Variants in CSMD3 observed in about 807,000 individuals in gnomAD.
The protein encoded by CSMD3 is CUB and sushi domain-containing protein 3.
A neutral mutation model predicts 435.2 loss-of-function variants in CSMD3; 177 were observed. The observed-to-expected ratio is 0.41, with a 90% confidence interval of 0.36 to 0.46. CSMD3 has a LOEUF of 0.46. Among genes scored for constraint, CSMD3 ranks in the 20% least tolerant of loss-of-function variants. CSMD3 has a pLI of 0.34. For missense variants in CSMD3, 4,265 were observed against 4,504.6 expected (o/e 0.95, Z 1.52); for synonymous variants, 1,656 against 1,520.5 (o/e 1.09, Z -2.07).
At chr8:112,365,373 A>G (rs1389131186) in intron 38 of CSMD3, among the ~76,000 whole-genome samples, 6 of 152,056 alleles carry the variant, frequency 3.9e-5, no homozygotes, top group Non-Finnish European at 7.4e-5. Flanking sequence ...AGAAAAAACA[A>G]TTAGGGTGAA....
chr8:112,481,204 A>AAAG (rs968040112), intron 31 of CSMD3, among the ~76,000 whole-genome samples: 2 of 152,158 alleles, frequency 1.3e-5, no homozygotes, highest in African/African-American at 4.8e-5. Flanking sequence ...TAGAAGAAGA[A>AAAG]AAGAAGAAGG....
At chr8:113,049,710 T>G (rs903030155) in intron 5 of CSMD3, among the ~76,000 whole-genome samples, 3 of 152,174 alleles carry the variant, frequency 2.0e-5, no homozygotes, top group African/African-American at 7.2e-5. Flanking sequence ...CAAGATCTGA[T>G]GGTAGCACGT....
At chr8:113,350,644 A>T (rs1220323294) in intron 1 of CSMD3, among the ~76,000 whole-genome samples, 1 of 152,012 alleles carries the variant, frequency 6.6e-6, no homozygotes, top group Admixed American at 6.6e-5. Context: ...AGGTCTTTCT[A>T]CCCTACCTCC....
chr8:113,191,375 C>T (rs955998880), intron 3 of CSMD3, among the ~76,000 whole-genome samples: 12 of 151,612 alleles, frequency 7.9e-5, no homozygotes, highest in African/African-American at 1.7e-4. Context: ...GGCAGTTTTT[C>T]GGCCCACATC....
At chr8:112,569,193 G>T (rs188442048) in intron 24 of CSMD3, among the ~76,000 whole-genome samples, 1 of 152,204 alleles carries the variant, frequency 6.6e-6, no homozygotes, top group Admixed American at 6.6e-5. Context: ...CCTTAAACAT[G>T]CCCATAGTTA....
intron 63 of CSMD3, 135 bp from the exon 64 acceptor site, chr8:112,247,266 T>C (rs909201047): frequency 3.0e-6 from 2 of 655,906 alleles, no homozygotes; most frequent in South Asian, 3.5e-5. Flanking sequence ...AATTGAAATC[T>C]GATTTAAAAT....
At chr8:112,509,903 ATC>A (rs2130947964) in intron 28 of CSMD3, among the ~76,000 whole-genome samples, 1 of 152,240 alleles carries the variant, frequency 6.6e-6, no homozygotes, top group East Asian at 1.9e-4. Context: ...TTTACTGAAT[ATC>A]TCTCTCTGTA....
chr8:112,301,206 T>C lies in CSMD3; in HGVS notation c.8440+587A>G, dbSNP rs1412361157. On this transcript the variant is annotated intron_variant, in intron 53 of 70. Coordinates refer to ENST00000297405, the MANE Select transcript of CSMD3 (RefSeq NM_198123.2). ...AGCATAAAATATAATATTTTCATAA[T>C]AAAAGAGGCAGGGTAAGAAGAACGA... 2.0e-5 allele frequency among the ~76,000 whole-genome samples: 3 copies of C among 152,128 alleles called. No individual in the cohort carries two copies. In the East Asian group the frequency reaches 5.8e-4, roughly 29 times the overall value.
At chr8:112,702,120 A>T (rs1297531794) in intron 13 of CSMD3, among the ~76,000 whole-genome samples, 1 of 152,140 alleles carries the variant, frequency 6.6e-6, no homozygotes, top group Non-Finnish European at 1.5e-5. Flanking sequence ...CTAAACACTT[A>T]CATATGATTT....
intron 5 of CSMD3, among the ~76,000 whole-genome samples, chr8:113,071,671 T>C (rs2089128049): frequency 6.6e-6 from 1 of 151,882 alleles, no homozygotes; most frequent in Non-Finnish European, 1.5e-5. Context: ...CCATTGTCTG[T>C]TTTTATGGTA....
chr8:113,403,207 A>G (rs2094517952), intron 1 of CSMD3, among the ~76,000 whole-genome samples: 1 of 151,368 alleles, frequency 6.6e-6, no homozygotes, highest in South Asian at 2.1e-4. Flanking sequence ...AAACTGCTTC[A>G]TATTACAAAT....
intron 9 of CSMD3, among the ~76,000 whole-genome samples, chr8:112,934,164 T>A (rs1433694460): frequency 6.6e-6 from 1 of 152,090 alleles, no homozygotes; most frequent in Admixed American, 6.6e-5. Flanking sequence ...CCTGGAAAGC[T>A]TTGTGGATGT....
chr8:112,900,257 C>T (rs940239602), intron 10 of CSMD3, among the ~76,000 whole-genome samples: 1 of 151,184 alleles, frequency 6.6e-6, no homozygotes, highest in African/African-American at 2.4e-5. Context: ...TATATATTTC[C>T]ACATGCAAAG....
chr8:112,529,179 C>T (rs893528917), intron 27 of CSMD3, among the ~76,000 whole-genome samples: 1 of 152,166 alleles, frequency 6.6e-6, no homozygotes, highest in Admixed American at 6.5e-5. Context: ...GCCTAAAGAA[C>T]TGGCAACTAT....
intron 5 of CSMD3, among the ~76,000 whole-genome samples, chr8:113,063,323 T>C (rs929816638): frequency 6.6e-6 from 1 of 151,882 alleles, no homozygotes; most frequent in Non-Finnish European, 1.5e-5. Context: ...AATATTGTCA[T>C]TGCTGTGTCA....
chr8:112,230,824 A>C (rs2129876490), intron 69 of CSMD3, among the ~76,000 whole-genome samples: 1 of 152,298 alleles, frequency 6.6e-6, no homozygotes, highest in Admixed American at 6.5e-5. Flanking sequence ...AAAAAGAAAA[A>C]AAAAAAGTTC....
intron 42 of CSMD3, 112 bp downstream of exon 42, chr8:112,341,365 T>C: frequency 1.3e-6 from 1 of 766,924 alleles, no homozygotes; most frequent in Admixed American, 2.9e-5. Flanking sequence ...TGGCTTAAGT[T>C]TTTTTTTTTT....
intron 6 of CSMD3, among the ~76,000 whole-genome samples, chr8:112,978,552 T>C (rs933785505): frequency 1.2e-4 from 18 of 151,152 alleles, no homozygotes; most frequent in African/African-American, 4.1e-4. Flanking sequence ...TCTTAAAATA[T>C]TTAGCATAAG....
At chr8:113,227,837 A>G (rs1471611856) in intron 3 of CSMD3, among the ~76,000 whole-genome samples, 1 of 151,628 alleles carries the variant, frequency 6.6e-6, no homozygotes, top group Non-Finnish European at 1.5e-5. Flanking sequence ...GTGAAAATGC[A>G]CCGATACAAT....
Sources: gnomAD v4.1 joint callset for allele counts (sites outside exome capture counted in the v4.1 genomes callset) on GRCh38, gnomAD v4.1.1 for gene constraint, MANE v1.5 for transcripts, NCBI Gene and HGNC (gene_info 2026-07-23, HGNC 2026-07-21) for gene names.